The following EBF4 variants were observed in gnomAD, a reference collection of about 807,000 sequenced individuals.
EBF4 encodes EBF transcription factor 4, also known as transcription factor COE4.
EBF4 carries 34 observed loss-of-function variants against 67.1 expected under a neutral mutation model. That is an observed-to-expected ratio of 0.51 (90% CI 0.39 to 0.67). The LOEUF is 0.67. EBF4 is among the 30% of genes least tolerant of loss of function. The probability of loss-of-function intolerance (pLI) is 0.00; values close to 1 mark genes in which losing one functional copy is unlikely to be tolerated. For synonymous variants in EBF4, 387 were observed against 377.7 expected (o/e 1.02, Z -0.29); for missense variants, 837 against 873.3 (o/e 0.96, Z 0.52).
At chr20:2,757,491 C>T (rs2088263018) in intron 15 of EBF4, among the ~76,000 whole-genome samples, 1 of 152,162 alleles carries the variant, frequency 6.6e-6, no homozygotes, top group Admixed American at 6.5e-5. Flanking sequence ...GCTTGGTGAC[C>T]CATCCAGAGG....
chr20:2,733,384 G>C (rs1407684780), intron 6 of EBF4, among the ~76,000 whole-genome samples: 1 of 151,870 alleles, frequency 6.6e-6, no homozygotes, highest in Admixed American at 6.6e-5. Flanking sequence ...TCTTTGTATA[G>C]ATCATACACT....
chr20:2,694,034 G>T (rs761450344), intron 1 of EBF4, among the ~76,000 whole-genome samples: 1 of 152,216 alleles, frequency 6.6e-6, no homozygotes, highest in Non-Finnish European at 1.5e-5. Flanking sequence ...GGGTGCGGCG[G>T]TGAACGCCAC....
intron 6 of EBF4, among the ~76,000 whole-genome samples, chr20:2,723,813 T>G (rs1460562980): frequency 6.6e-6 from 1 of 152,218 alleles, no homozygotes; most frequent in Non-Finnish European, 1.5e-5. Context: ...ACAATATATT[T>G]TAACCATTTT....
chr20:2,749,886 C>T, exon 10 of EBF4: 2 of 1,551,450 alleles, frequency 1.3e-6, no homozygotes, highest in Non-Finnish European at 1.7e-6. Context: ...GACGCCCCCG[C>T]GGCACATCCC....
At position 2,755,769 on chromosome 20, in the gene EBF4, C is replaced by A; in HGVS notation, c.1683C>A (p.Arg561=). ...GGAGCGCCTTCGCCCCCGTGCTGCGCCCCCCAAGCTCCCCACCCCAGGCCT... is the reference window on the plus strand; with the variant it reads ...GGAGCGCCTTCGCCCCCGTGCTGCGACCCCCAAGCTCCCCACCCCAGGCCT... The change falls in exon 15 of 17, where the codon CGC becomes CGA. Residue 561 remains arginine (R), a synonymous_variant. Transcript: ENST00000609451. This position sits in a 1 kb window ranked among gnomAD's most constrained non-coding sequence, Gnocchi z 4.7. The A allele has an allele frequency of 1.9e-6, 3 of 1,550,250 alleles. No homozygotes were observed. Among genetic ancestry groups the A allele is most frequent in the Non-Finnish European group, 2.6e-6 (3 of 1,146,910 alleles).
At chr20:2,735,644 A>C (rs6084149) in intron 6 of EBF4, among the ~76,000 whole-genome samples, 1 of 152,232 alleles carries the variant, frequency 6.6e-6, no homozygotes, top group African/African-American at 2.4e-5. Context: ...TGGGGGCTTT[A>C]GTCCAGCATT....
chr20:2,730,981 C>T (rs2087806397), intron 6 of EBF4, among the ~76,000 whole-genome samples: 1 of 152,192 alleles, frequency 6.6e-6, no homozygotes, highest in African/African-American at 2.4e-5. Flanking sequence ...TCACTGCAAC[C>T]TCCACCTCCA....
At chr20:2,759,339 C>T in exon 17 of EBF4, 1 of 316,452 alleles carries the variant, frequency 3.2e-6, no homozygotes, top group East Asian at 6.5e-5. Flanking sequence ...CGGATGGTGG[C>T]ACAGACAGAT....
At chr20:2,712,871 G>A (rs2087561702) in intron 6 of EBF4, among the ~76,000 whole-genome samples, 1 of 152,132 alleles carries the variant, frequency 6.6e-6, no homozygotes, top group African/African-American at 2.4e-5. Flanking sequence ...GTCCAGTGCT[G>A]CTCATGGGTA....
rs932604206 is a variant in EBF4 at position 2,707,570 on chromosome 20, A to C, written c.415-377A>C. Reference sequence around the variant, plus strand: ...GTCCGTCAGGACATGGAGGATGCACACAGGAGGATGCTGGGGGAGGGGAGG... The same window carrying C: ...GTCCGTCAGGACATGGAGGATGCACCCAGGAGGATGCTGGGGGAGGGGAGG... On this transcript the variant is annotated intron_variant, in intron 4 of 16. Coordinates refer to ENST00000609451, the Ensembl canonical transcript of EBF4. This position sits in a 1 kb window ranked among gnomAD's most constrained non-coding sequence, Gnocchi z 4.6. Among the ~76,000 whole-genome samples, 10 of 151,930 alleles carry C rather than the reference A, an allele frequency of 6.6e-5. No individual in the cohort carries two copies. Among genetic ancestry groups the C allele is most frequent in the Middle Eastern group, 6.8e-3 (2 of 292 alleles).
chr20:2,700,374 C>T (rs1346502495), intron 1 of EBF4, among the ~76,000 whole-genome samples: 1 of 152,084 alleles, frequency 6.6e-6, no homozygotes, highest in African/African-American at 2.4e-5. Flanking sequence ...GGCTCTATTC[C>T]CCCTTCTCTC....
intron 6 of EBF4, among the ~76,000 whole-genome samples, chr20:2,720,617 G>A (rs540769929): frequency 2.7e-4 from 41 of 151,928 alleles, no homozygotes; most frequent in East Asian, 7.7e-4. Flanking sequence ...TATTACTGTC[G>A]CAGACTTTAT....
chr20:2,697,462 G>A (rs958916447), intron 1 of EBF4, among the ~76,000 whole-genome samples: 6 of 151,566 alleles, frequency 4.0e-5, no homozygotes, highest in African/African-American at 7.3e-5. Context: ...GGAGAATGGC[G>A]TGAACCCGGG....
At chr20:2,726,286 C>T (rs2087745471) in intron 6 of EBF4, among the ~76,000 whole-genome samples, 1 of 152,052 alleles carries the variant, frequency 6.6e-6, no homozygotes. Context: ...CCTGTAATCC[C>T]AGCACTTTGG....
chr20:2,703,962 C>T (rs971825390), intron 1 of EBF4, among the ~76,000 whole-genome samples: 2 of 152,126 alleles, frequency 1.3e-5, no homozygotes, highest in African/African-American at 4.8e-5. Context: ...GGCAGGAGGC[C>T]TCAGTTATTC....
At chr20:2,748,657 T>A (rs1175889986) in intron 7 of EBF4, 27 bp downstream of exon 7, 2 of 1,545,984 alleles carry the variant, frequency 1.3e-6, no homozygotes, top group South Asian at 1.2e-5. Flanking sequence ...GGTTTCCCCT[T>A]GCAACCCCAC....
At chr20:2,758,818 C>T in intron 15 of EBF4, 91 bp from the exon 16 acceptor site, 2 of 1,167,630 alleles carry the variant, frequency 1.7e-6, no homozygotes, top group Non-Finnish European at 2.5e-6. Flanking sequence ...TGCTATATCC[C>T]CTGCCTGCTG....
chr20:2,734,420 A>G (rs2087852395), intron 6 of EBF4, among the ~76,000 whole-genome samples: 1 of 152,222 alleles, frequency 6.6e-6, no homozygotes, highest in Non-Finnish European at 1.5e-5. Context: ...AAATAAATTA[A>G]TTAATAAAGT....
At position 2,739,501 on chromosome 20, in the gene EBF4, T is replaced by C. The variant is rs1016118093; in HGVS notation, c.558-9048T>C. Among the ~76,000 whole-genome samples, 3 of 152,192 alleles carry C rather than the reference T, an allele frequency of 2.0e-5. No individual in the cohort carries two copies. The highest frequency in any genetic ancestry group is 2.0e-4 in the Admixed American group (3 of 15,282). ...CTCCTGCCGTGCCCACCACTCTGTC[T>C]TCCTGAGTTTCTCTTTCCTGTTGGG... On this transcript the variant is annotated intron_variant, in intron 6 of 16. Transcript: ENST00000609451. This position sits in a 1 kb window ranked among gnomAD's most constrained non-coding sequence, Gnocchi z 4.5.
Sources: gnomAD v4.1 joint callset for allele counts (sites outside exome capture counted in the v4.1 genomes callset) on GRCh38, gnomAD v4.1.1 for gene constraint, Gnocchi (gnomAD v3.1) non-coding constraint, MANE v1.5 for transcripts, NCBI Gene and HGNC (gene_info 2026-07-23, HGNC 2026-07-21) for gene names.